SMURF2: variants seen among roughly 807,000 people sequenced by gnomAD.
SMURF2 encodes SMAD specific E3 ubiquitin protein ligase 2.
SMURF2 carries 48 observed loss-of-function variants against 109.6 expected under a neutral mutation model. That is an observed-to-expected ratio of 0.44 (90% CI 0.35 to 0.56). The LOEUF (loss-of-function observed/expected upper bound fraction) is 0.56, where lower values mean the gene tolerates loss of function less well. Ranked by LOEUF, SMURF2 falls within the 20% of genes least tolerant of loss-of-function variation. SMURF2 has a pLI of 0.01. For missense variants in SMURF2, 575 were observed against 909.0 expected (o/e 0.63, Z 4.72); for synonymous variants, 288 against 317.1 (o/e 0.91, Z 0.97).
At chr17:64,642,925 G>C (rs1421065973) in intron 1 of SMURF2, among the ~76,000 whole-genome samples, 2 of 152,098 alleles carry the variant, frequency 1.3e-5, no homozygotes, top group Non-Finnish European at 2.9e-5. Flanking sequence ...CTCCCTGGTG[G>C]CTGGGACTAC....
At chr17:64,546,116 T>C in intron 18 of SMURF2, 147 bp downstream of exon 18, 1 of 938,514 alleles carries the variant, frequency 1.1e-6, no homozygotes, top group East Asian at 2.6e-5. Context: ...TTCCGAATAA[T>C]CTTAACTTTT....
chr17:64,617,128 C>A (rs899356235), intron 1 of SMURF2, among the ~76,000 whole-genome samples: 3 of 130,836 alleles, frequency 2.3e-5, no homozygotes, highest in Admixed American at 1.5e-4. Context: ...ATTGGTGACA[C>A]AGGTTCACAA....
chr17:64,575,098 T>C (rs1239463834), intron 9 of SMURF2, among the ~76,000 whole-genome samples: 2 of 150,638 alleles, frequency 1.3e-5, no homozygotes, highest in African/African-American at 2.5e-5. Context: ...GATTTTTTTT[T>C]TCTTTTTTTA....
intron 15 of SMURF2, among the ~76,000 whole-genome samples, chr17:64,553,119 T>C (rs1190170989): frequency 6.6e-6 from 1 of 152,166 alleles, no homozygotes; most frequent in Non-Finnish European, 1.5e-5. Context: ...TTTTACCCTC[T>C]TTCTCCTTCC....
chr17:64,555,816 A>T lies in SMURF2; in HGVS notation c.1610+4T>A. The T allele has an allele frequency of 6.3e-7, 1 of 1,596,998 alleles. No homozygotes were observed. The highest frequency in any genetic ancestry group is 1.1e-5 in the South Asian group (1 of 89,522). ...AATGAAGAGATAGAAGACTCAATAC[A>T]TACAGTATCCACACTAAACTGTTGT... On this transcript the variant is annotated splice_donor_region_variant and intron_variant, in intron 14 of 18. Transcript: ENST00000262435.
intron 1 of SMURF2, among the ~76,000 whole-genome samples, chr17:64,608,584 T>C (rs1033633698): frequency 1.2e-4 from 19 of 152,208 alleles, no homozygotes; most frequent in African/African-American, 4.1e-4. Context: ...ATTACAATCT[T>C]CAGTTTTAAT....
rs1173488866 is a variant in SMURF2 at position 64,543,836 on chromosome 17, A to G, written c.*2012T>C. On this transcript the variant is annotated 3_prime_UTR_variant, in exon 19 of 19. Transcript: ENST00000262435. The stretch of plus-strand genomic sequence containing the variant: ...GGTCTGCAACCAGTAAAGTACTATC[A>G]TGACAGCTGAACATTACTGATTATC... 6.6e-6 allele frequency: 1 copy of G among 152,236 alleles called. No homozygotes were observed. Among genetic ancestry groups the G allele is most frequent in the Non-Finnish European group, 1.5e-5 (1 of 68,038 alleles). The allele number at this position is 152,236 out of a possible 1,614,324, so 9.4% of individuals were successfully genotyped here.
intron 1 of SMURF2, among the ~76,000 whole-genome samples, chr17:64,620,463 C>T (rs1970186744): frequency 6.6e-6 from 1 of 152,140 alleles, no homozygotes; most frequent in Non-Finnish European, 1.5e-5. Context: ...TCTCATTAAC[C>T]CCTAGACTGA....
intron 3 of SMURF2, among the ~76,000 whole-genome samples, chr17:64,597,523 G>A (rs1568188897): frequency 1.3e-5 from 2 of 151,848 alleles, no homozygotes; most frequent in African/African-American, 4.8e-5. Context: ...CTGTAATCCC[G>A]GCACTTTGGG....
In SMURF2 at chr17:64,638,172, T is replaced by C. The variant is rs112880462; in HGVS notation, c.52+23657A>G. On this transcript the variant is annotated intron_variant, in intron 1 of 18. Coordinates refer to ENST00000262435, the MANE Select transcript of SMURF2 (RefSeq NM_022739.4). ...CCTCCACCTCCTGGGTTCAAGTGAT[T>C]CTCCTACCTCAGCCTCCCAAGTAGC... 2.1e-3 allele frequency among the ~76,000 whole-genome samples: 320 copies of C among 151,688 alleles called. 1 individual carries two copies. Among genetic ancestry groups the C allele is most frequent in the African/African-American group, 7.4e-3 (305 of 41,266 alleles).
chr17:64,581,018 G>C lies in SMURF2; in HGVS notation c.570-27C>G, dbSNP rs781803069. 1 of 1,604,200 alleles carries C rather than the reference G, an allele frequency of 6.2e-7. No individual in the cohort carries two copies. Among genetic ancestry groups the C allele is most frequent in the Non-Finnish European group, 8.5e-7 (1 of 1,171,402 alleles). On this transcript the variant is annotated intron_variant, in intron 7 of 18. Transcript: ENST00000262435. This position sits in a 1 kb window ranked among gnomAD's most constrained non-coding sequence, Gnocchi z 4.3. ...TATTGAAAATTAACAAGGAAAAGAT[G>C]TTATCAATTTAGATATCAAAAGTAG...
intron 11 of SMURF2, 25 bp from the exon 12 acceptor site, chr17:64,561,628 C>T (rs1166100774): frequency 6.6e-7 from 1 of 1,514,676 alleles, no homozygotes; most frequent in Non-Finnish European, 9.1e-7. Context: ...TTTTAATACC[C>T]TATTACTATT....
chr17:64,616,661 A>C (rs1447816417), intron 1 of SMURF2, among the ~76,000 whole-genome samples: 1 of 151,892 alleles, frequency 6.6e-6, no homozygotes, highest in Non-Finnish European at 1.5e-5. Context: ...TCTCAAAAAA[A>C]AAAAAAAAAG....
intron 5 of SMURF2, among the ~76,000 whole-genome samples, chr17:64,589,327 TAAC>T (rs1555687410): frequency 6.6e-6 from 1 of 151,860 alleles, no homozygotes; most frequent in Admixed American, 6.6e-5. Flanking sequence ...TTATGTAACA[TAAC>T]AAATCAAATA....
At chr17:64,642,219 C>T (rs1242871905) in intron 1 of SMURF2, among the ~76,000 whole-genome samples, 2 of 152,252 alleles carry the variant, frequency 1.3e-5, no homozygotes, top group Non-Finnish European at 2.9e-5. Context: ...CAATGCAGGT[C>T]GATTTTCCAG....
chr17:64,594,653 G>C (rs1176145297), intron 3 of SMURF2, among the ~76,000 whole-genome samples: 3 of 152,120 alleles, frequency 2.0e-5, no homozygotes, highest in African/African-American at 7.2e-5. Context: ...CCAGAATCAA[G>C]TATTAAGTAG....
At chr17:64,560,942 G>A (rs1392437400) in intron 12 of SMURF2, 4 of 146,876 alleles carry the variant, frequency 2.7e-5, no homozygotes, top group Non-Finnish European at 4.4e-5. Context: ...CTCCAGCCTG[G>A]GTGACAGAGG....
At chr17:64,641,167 A>C (rs1342523971) in intron 1 of SMURF2, among the ~76,000 whole-genome samples, 1 of 152,090 alleles carries the variant, frequency 6.6e-6, no homozygotes, top group African/African-American at 2.4e-5. Flanking sequence ...AAAATAATTT[A>C]TGGATTTTAT....
intron 1 of SMURF2, among the ~76,000 whole-genome samples, chr17:64,612,235 C>T (rs1970054825): frequency 6.6e-6 from 1 of 152,122 alleles, no homozygotes; most frequent in Non-Finnish European, 1.5e-5. Context: ...CTGCACCAAG[C>T]ACACATTACG....
Sources: allele counts gnomAD v4.1 joint callset (sites outside exome capture counted in the v4.1 genomes callset), GRCh38; gene constraint gnomAD v4.1.1; non-coding constraint Gnocchi (gnomAD v3.1); transcripts MANE v1.5; gene names NCBI Gene and HGNC (gene_info 2026-07-23, HGNC 2026-07-21).